KHDRBS2: variants seen among roughly 807,000 people sequenced by gnomAD.
KHDRBS2 encodes KH RNA binding domain containing, signal transduction associated 2.
In KHDRBS2, 26 loss-of-function variants were observed where a neutral mutation model predicts 44.3. The observed-to-expected ratio is 0.59, with a 90% CI of 0.43 to 0.81. The LOEUF (loss-of-function observed/expected upper bound fraction) is 0.81, where lower values mean the gene tolerates loss of function less well. KHDRBS2 is among the 40% of genes least tolerant of loss of function. The pLI, the probability that KHDRBS2 is intolerant of heterozygous loss-of-function variation, is 0.00. For synonymous variants in KHDRBS2, 194 were observed against 151.1 expected (o/e 1.28, Z -2.08); for missense variants, 476 against 433.1 (o/e 1.10, Z -0.88).
intron 7 of KHDRBS2, among the ~76,000 whole-genome samples, chr6:61,728,808 T>A (rs1471148882): frequency 6.6e-6 from 1 of 152,148 alleles, no homozygotes; most frequent in East Asian, 1.9e-4. Context: ...GTGACTGTAT[T>A]TATCTTCTTC....
chr6:62,255,979 A>T (rs962812037), intron 1 of KHDRBS2, among the ~76,000 whole-genome samples: 3 of 151,744 alleles, frequency 2.0e-5, no homozygotes, highest in African/African-American at 7.3e-5. Context: ...TAAAAAAAAA[A>T]TAAAAATTAG....
chr6:61,586,230 T>A, the KHDRBS2 span, among the ~76,000 whole-genome samples: 1 of 152,206 alleles, frequency 6.6e-6, no homozygotes, highest in African/African-American at 2.4e-5. Flanking sequence ...GGAAAATGCT[T>A]TGATTTAAGA....
At chr6:62,137,680 C>T (rs1243030351) in intron 2 of KHDRBS2, among the ~76,000 whole-genome samples, 1 of 152,084 alleles carries the variant, frequency 6.6e-6, no homozygotes, top group Non-Finnish European at 1.5e-5. Flanking sequence ...AGGGTACTCT[C>T]TTTTCCAGTT....
At chr6:61,732,883 C>A (rs1774720071) in intron 6 of KHDRBS2, 119 bp from the exon 7 acceptor site, 6 of 649,104 alleles carry the variant, frequency 9.2e-6, no homozygotes, top group South Asian at 1.8e-5. Flanking sequence ...GGGTAAGTAT[C>A]CATATATCAC....
chr6:61,723,299 C>T (rs964881621), intron 7 of KHDRBS2, among the ~76,000 whole-genome samples: 16 of 152,032 alleles, frequency 1.1e-4, no homozygotes, highest in Non-Finnish European at 1.5e-5. Context: ...TGCAAAAATG[C>T]TGAAAACTCA....
At chr6:61,902,813 T>C (rs1804302198) in intron 4 of KHDRBS2, among the ~76,000 whole-genome samples, 1 of 152,156 alleles carries the variant, frequency 6.6e-6, no homozygotes, top group South Asian at 2.1e-4. Context: ...ATGAAGACTG[T>C]GTAGGGTCAC....
the KHDRBS2 span, among the ~76,000 whole-genome samples, chr6:61,583,748 A>T: frequency 2.5e-4 from 38 of 151,764 alleles, no homozygotes; most frequent in Non-Finnish European, 4.7e-4. Context: ...TTCTAGAAAT[A>T]ATCTTGCTAA....
intron 1 of KHDRBS2, among the ~76,000 whole-genome samples, chr6:62,228,572 A>G (rs1832327800): frequency 1.3e-5 from 2 of 151,788 alleles, no homozygotes; most frequent in Non-Finnish European, 1.5e-5. Flanking sequence ...GTCTTCTGCT[A>G]CCTTTTGGAT....
intron 4 of KHDRBS2, among the ~76,000 whole-genome samples, chr6:61,911,112 C>G (rs528366227): frequency 6.6e-6 from 1 of 152,200 alleles, no homozygotes; most frequent in East Asian, 1.9e-4. Flanking sequence ...TGTACACATT[C>G]TATGCATAAA....
the KHDRBS2 span, among the ~76,000 whole-genome samples, chr6:61,582,902 A>G: frequency 6.6e-6 from 1 of 151,842 alleles, no homozygotes; most frequent in Non-Finnish European, 1.5e-5. Context: ...AAATCTTTTC[A>G]TAATGAAAAT....
At chr6:62,209,490 C>T (rs183544064) in intron 1 of KHDRBS2, among the ~76,000 whole-genome samples, 17 of 152,274 alleles carry the variant, frequency 1.1e-4, no homozygotes, top group African/African-American at 3.8e-4. Context: ...CACACATACC[C>T]GTCACTACCA....
rs184303381 is a variant in KHDRBS2 at position 61,905,943 on chromosome 6, C to T, written c.484-4572G>A. ...TGATCTCGGCTCACTGCAACCTCTG[C>T]GGCCCGGGTTCAAGCGATTATCCTG... On this transcript the variant is annotated intron_variant, in intron 4 of 8. Transcript: ENST00000281156. 1.4e-3 allele frequency among the ~76,000 whole-genome samples: 205 copies of T among 144,160 alleles called. 2 individuals are homozygous for T. The highest frequency in any genetic ancestry group is 4.8e-3 in the African/African-American group (187 of 38,792). 94.6% of individuals were successfully genotyped at this position (144,160 alleles called of 152,430 possible). A position where few individuals can be genotyped will look rare whatever the true frequency, so the allele number is the denominator to read the frequency against.
chr6:61,940,378 T>C (rs1250990343), intron 4 of KHDRBS2, among the ~76,000 whole-genome samples: 2 of 152,034 alleles, frequency 1.3e-5, no homozygotes, highest in African/African-American at 4.8e-5. Context: ...ACTCCTGCAA[T>C]CCTAGCCATG....
At chr6:61,696,522 G>C (rs2127543684) in intron 8 of KHDRBS2, among the ~76,000 whole-genome samples, 1 of 152,080 alleles carries the variant, frequency 6.6e-6, no homozygotes, top group East Asian at 1.9e-4. Context: ...CTCCCAAAGT[G>C]CCAGGATTAC....
the KHDRBS2 span, among the ~76,000 whole-genome samples, chr6:61,590,432 A>G: frequency 2.0e-5 from 3 of 152,204 alleles, no homozygotes; most frequent in African/African-American, 7.2e-5. Context: ...CTGAGAAAAT[A>G]AATTCTGCAA....
intron 1 of KHDRBS2, among the ~76,000 whole-genome samples, chr6:62,243,547 A>C (rs1228913676): frequency 6.6e-6 from 1 of 151,594 alleles, no homozygotes; most frequent in Admixed American, 6.6e-5. Context: ...TTTACTCTGA[A>C]GTGTAAAGAA....
intron 4 of KHDRBS2, among the ~76,000 whole-genome samples, chr6:61,966,567 G>C (rs1023358527): frequency 6.6e-6 from 1 of 151,962 alleles, no homozygotes; most frequent in Non-Finnish European, 1.5e-5. Flanking sequence ...TAAGTGATCA[G>C]TGATCTACTT....
intron 6 of KHDRBS2, among the ~76,000 whole-genome samples, chr6:61,888,318 C>G (rs1801276844): frequency 6.6e-6 from 1 of 152,146 alleles, no homozygotes; most frequent in Admixed American, 6.5e-5. Context: ...CCTGACAACC[C>G]TGGCTGAATG....
downstream of KHDRBS2, among the ~76,000 whole-genome samples, chr6:61,677,703 T>G (rs1766023030): frequency 6.6e-6 from 1 of 151,922 alleles, no homozygotes; most frequent in Admixed American, 6.6e-5. Context: ...GGGAACTGAC[T>G]TGAACCCATA....
Sources: allele counts gnomAD v4.1 joint callset (sites outside exome capture counted in the v4.1 genomes callset), GRCh38; gene constraint gnomAD v4.1.1; transcripts MANE v1.5; gene names NCBI Gene and HGNC (gene_info 2026-07-23, HGNC 2026-07-21).